The following ZNF804B variants were observed in gnomAD, a reference collection of about 807,000 sequenced individuals.
The protein encoded by ZNF804B is zinc finger protein 804B.
A neutral mutation model predicts 101.4 loss-of-function variants in ZNF804B; 80 were observed. That is an observed-to-expected ratio of 0.79 (90% confidence interval 0.66 to 0.95). ZNF804B has a LOEUF of 0.95. Ranked by LOEUF, ZNF804B falls within the 40% of genes least tolerant of loss-of-function variation. The pLI is 0.00. For missense variants in ZNF804B, 1,673 were observed against 1,561.9 expected (o/e 1.07, Z -1.20); for synonymous variants, 622 against 558.8 (o/e 1.11, Z -1.59).
At chr7:88,889,729 C>T (rs1044316178) in intron 1 of ZNF804B, among the ~76,000 whole-genome samples, 6 of 152,116 alleles carry the variant, frequency 3.9e-5, no homozygotes, top group African/African-American at 7.2e-5. Context: ...TGTAAGTTAC[C>T]TGTTTACTCA....
chr7:88,854,398 T>TCTTTCTTTCTTC (rs1562812503), intron 1 of ZNF804B, among the ~76,000 whole-genome samples: 88 of 134,896 alleles, frequency 6.5e-4, no homozygotes, highest in African/African-American at 1.7e-3. Flanking sequence ...TTTCTTTCTT[T>TCTTTCTTTCTTC]CTTTCTTTCT....
chr7:88,925,314 A>G (rs1425366479), intron 1 of ZNF804B, among the ~76,000 whole-genome samples: 2 of 152,180 alleles, frequency 1.3e-5, no homozygotes, highest in African/African-American at 4.8e-5. Flanking sequence ...TGTAGGCAGA[A>G]TCTTGTTCCC....
At chr7:88,912,040 T>C (rs1792557078) in intron 1 of ZNF804B, among the ~76,000 whole-genome samples, 1 of 152,006 alleles carries the variant, frequency 6.6e-6, no homozygotes, top group Admixed American at 6.6e-5. Context: ...TGTAATGCTT[T>C]GTAATGTTTC....
chr7:88,836,156 C>T (rs17164628), intron 1 of ZNF804B, among the ~76,000 whole-genome samples: 3,925 of 151,972 alleles, frequency 0.026, 133 homozygotes, highest in African/African-American at 0.073. Context: ...TTAGTTAACA[C>T]CACGTTTTGA....
At chr7:89,193,283 T>TC (rs1788489896) in intron 1 of ZNF804B, among the ~76,000 whole-genome samples, 1 of 151,064 alleles carries the variant, frequency 6.6e-6, no homozygotes, top group Non-Finnish European at 1.5e-5. Context: ...GTTTTTTTTT[T>TC]TTATAGTCTA....
Position 89,315,653 on chromosome 7 carries a change from G to A in ZNF804B, c.250-11691G>A, listed in dbSNP as rs367923771. On this transcript the variant is annotated intron_variant, in intron 2 of 3. Coordinates refer to ENST00000333190, the MANE Select transcript of ZNF804B (RefSeq NM_181646.5). ...TCTGATGGAGTTTTGTCATCTTGAT[G>A]GTGAAAACAGTCTCATCATCCTTTT... Among the ~76,000 whole-genome samples, 91 of 151,960 alleles carry A rather than the reference G, an allele frequency of 6.0e-4. No individual in the cohort carries two copies. In the South Asian group the frequency reaches 0.017, roughly 29 times the overall value.
chr7:89,230,797 G>A (rs1789181330), intron 2 of ZNF804B, among the ~76,000 whole-genome samples: 1 of 152,036 alleles, frequency 6.6e-6, no homozygotes, highest in African/African-American at 2.4e-5. Flanking sequence ...TAGTATGTGT[G>A]TAGTGGTATC....
At chr7:89,274,296 G>A (rs1433605673) in intron 2 of ZNF804B, among the ~76,000 whole-genome samples, 1 of 126,158 alleles carries the variant, frequency 7.9e-6, no homozygotes, top group Non-Finnish European at 1.6e-5. Context: ...ATCTCCCAGT[G>A]CTATCCCTCC....
intron 2 of ZNF804B, among the ~76,000 whole-genome samples, chr7:89,321,203 A>G (rs1790814211): frequency 6.6e-6 from 1 of 152,290 alleles, no homozygotes; most frequent in Non-Finnish European, 1.5e-5. Flanking sequence ...TGATGCGGCC[A>G]GGCACGTTGG....
intron 2 of ZNF804B, among the ~76,000 whole-genome samples, chr7:89,240,277 T>C (rs1165004284): frequency 6.6e-6 from 1 of 152,068 alleles, no homozygotes; most frequent in Non-Finnish European, 1.5e-5. Context: ...ATAAGTACTT[T>C]AGCTTCCTCA....
intron 2 of ZNF804B, among the ~76,000 whole-genome samples, chr7:89,218,731 G>A (rs1235200431): frequency 6.6e-6 from 1 of 151,964 alleles, no homozygotes; most frequent in South Asian, 2.1e-4. Context: ...TTTTATATAT[G>A]TTACATGTAT....
intron 1 of ZNF804B, among the ~76,000 whole-genome samples, chr7:88,846,533 G>A (rs908911107): frequency 3.3e-5 from 5 of 152,136 alleles, no homozygotes; most frequent in African/African-American, 9.7e-5. Flanking sequence ...GACTTTAGAC[G>A]CCTCAAGGCC....
intron 1 of ZNF804B, among the ~76,000 whole-genome samples, chr7:88,768,832 G>A (rs980596283): frequency 1.3e-5 from 2 of 152,066 alleles, no homozygotes; most frequent in Admixed American, 6.5e-5. Flanking sequence ...ACTGATAGAG[G>A]GACAATATTA....
At chr7:88,937,113 A>AG (rs1792983809) in intron 1 of ZNF804B, among the ~76,000 whole-genome samples, 1 of 125,910 alleles carries the variant, frequency 7.9e-6, no homozygotes, top group Non-Finnish European at 1.7e-5. Flanking sequence ...CTATGAGAAT[A>AG]GCAAAAAAAA....
chr7:88,853,934 C>T (rs190579568), intron 1 of ZNF804B, among the ~76,000 whole-genome samples: 18 of 152,126 alleles, frequency 1.2e-4, no homozygotes, highest in East Asian at 5.8e-4. Context: ...TAAAACGTTT[C>T]GAGGGCTGTT....
At chr7:88,810,767 T>A (rs545365193) in intron 1 of ZNF804B, among the ~76,000 whole-genome samples, 10 of 152,194 alleles carry the variant, frequency 6.6e-5, no homozygotes, top group Non-Finnish European at 1.3e-4. Flanking sequence ...ATGCACTTTG[T>A]TAAATAACCT....
chr7:88,847,496 T>A (rs1412757636), intron 1 of ZNF804B, among the ~76,000 whole-genome samples: 1 of 152,076 alleles, frequency 6.6e-6, no homozygotes, highest in East Asian at 1.9e-4. Context: ...TAAAAGGAAA[T>A]TTTTAATAAA....
chr7:89,014,606 G>A (rs577550877), intron 1 of ZNF804B, among the ~76,000 whole-genome samples: 15 of 152,258 alleles, frequency 9.9e-5, no homozygotes, highest in Middle Eastern at 3.4e-3. Flanking sequence ...GTGAGCCACC[G>A]CGCCCAGCGA....
intron 1 of ZNF804B, among the ~76,000 whole-genome samples, chr7:89,164,448 C>T (rs1791112312): frequency 6.6e-6 from 1 of 152,024 alleles, no homozygotes; most frequent in Non-Finnish European, 1.5e-5. Flanking sequence ...AATCAAAATG[C>T]TAGACAATTC....
Sources: allele counts gnomAD v4.1 joint callset (sites outside exome capture counted in the v4.1 genomes callset), GRCh38; gene constraint gnomAD v4.1.1; transcripts MANE v1.5; gene names NCBI Gene and HGNC (gene_info 2026-07-23, HGNC 2026-07-21).